The following TBX18 variants were observed in gnomAD, a reference collection of about 807,000 sequenced individuals.
The protein encoded by TBX18 is T-box transcription factor 18, also known as T-box transcription factor TBX18.
A neutral mutation model predicts 55.0 loss-of-function variants in TBX18; 21 were observed. That is an observed-to-expected ratio of 0.38 (90% CI 0.27 to 0.55). The LOEUF (loss-of-function observed/expected upper bound fraction) is 0.55, where lower values mean the gene tolerates loss of function less well. TBX18 is among the 20% of genes least tolerant of loss of function. The pLI, the probability that TBX18 is intolerant of heterozygous loss-of-function variation, is 0.73. For synonymous variants in TBX18, 342 were observed against 326.1 expected (o/e 1.05, Z -0.53); for missense variants, 840 against 799.6 (o/e 1.05, Z -0.61).
rs769323065 is a variant in TBX18 at position 84,764,000 on chromosome 6, G to C, written c.182C>G (p.Ala61Gly). Residue 61 changes from alanine to glycine, a missense_variant, in exon 1 of 8, where the codon GCG becomes GGG. Transcript: ENST00000369663. ...TCCCTCAGAAGAACCCTTTTCGCCC[G>C]CGCCGCCGCCGCGGCTGCAGCCTCC... ...DDGGCSRGGG[A>G]GEKGSSEGDE... 1.9e-6 allele frequency: 3 copies of C among 1,563,328 alleles called. No homozygotes were observed. In the East Asian group the frequency reaches 7.1e-5, roughly 37 times the overall value.
intron 1 of TBX18, 23 bp from the exon 2 acceptor site, chr6:84,762,771 A>G: frequency 6.4e-7 from 1 of 1,573,624 alleles, no homozygotes. Flanking sequence ...GGACAGAGAA[A>G]GGGAACTGGT....
chr6:84,763,485 G>A (rs1320431772), intron 1 of TBX18: 1 of 475,670 alleles, frequency 2.1e-6, no homozygotes, highest in African/African-American at 2.0e-5. Context: ...AACGGTTTAG[G>A]GCATTCGTTC....
At chr6:84,750,796 A>T (rs1299497872) in intron 4 of TBX18, among the ~76,000 whole-genome samples, 4 of 151,494 alleles carry the variant, frequency 2.6e-5, no homozygotes, top group Non-Finnish European at 5.9e-5. Flanking sequence ...CTGGTGTCTC[A>T]TTAGTTAACA....
intron 4 of TBX18, among the ~76,000 whole-genome samples, chr6:84,754,065 G>A (rs901829465): frequency 3.9e-5 from 6 of 152,036 alleles, no homozygotes; most frequent in Non-Finnish European, 8.8e-5. Context: ...GTAGCTGGAA[G>A]TACAGGCAAA....
chr6:84,738,388 G>A, intron 7 of TBX18, 109 bp downstream of exon 7: 4 of 881,826 alleles, frequency 4.5e-6, no homozygotes, highest in South Asian at 1.4e-5. Flanking sequence ...GACAATGCTG[G>A]TGATGAGGTC....
chr6:84,757,014 G>T (rs911107473), intron 3 of TBX18, 145 bp from the exon 4 acceptor site: 21 of 874,440 alleles, frequency 2.4e-5, no homozygotes, highest in Non-Finnish European at 3.4e-5. Context: ...AATTTCAAGC[G>T]CTTTTCCAAA....
chr6:84,742,350 T>G (rs891872208), intron 6 of TBX18: 1 of 152,146 alleles, frequency 6.6e-6, no homozygotes, highest in South Asian at 2.1e-4. Context: ...AAAATCCATA[T>G]CAAAGCTAGC....
intron 3 of TBX18, among the ~76,000 whole-genome samples, chr6:84,757,565 T>C (rs1188319945): frequency 6.6e-6 from 1 of 152,134 alleles, no homozygotes; most frequent in African/African-American, 2.4e-5. Context: ...TTCTTTCAAA[T>C]CATTTTTCAA....
intron 1 of TBX18, 135 bp from the exon 2 acceptor site, chr6:84,762,883 C>A: frequency 5.0e-6 from 4 of 807,526 alleles, no homozygotes; most frequent in Non-Finnish European, 6.0e-6. Flanking sequence ...GCCATCAGGT[C>A]CTCCTAAAGA....
At chr6:84,752,189 A>G (rs1437978054) in intron 4 of TBX18, among the ~76,000 whole-genome samples, 2 of 151,314 alleles carry the variant, frequency 1.3e-5, no homozygotes, top group East Asian at 3.9e-4. Context: ...TTTGAGTCAA[A>G]AAAAAAAAGC....
chr6:84,764,276 C>T lies in TBX18; in HGVS notation c.-95G>A. On this transcript the variant is annotated 5_prime_UTR_variant, in exon 1 of 8. Transcript: ENST00000369663. ...TTCCCCCACCAAAAACTAAAAGGCT[C>T]TCGGGGCCTCCCGAGATCTGCCCCC... 3.0e-6 allele frequency: 4 copies of T among 1,353,398 alleles called. No homozygotes were observed. The highest frequency in any genetic ancestry group is 3.1e-5 in the East Asian group (1 of 32,436). The allele number at this position is 1,353,398 out of a possible 1,614,324, so 83.8% of individuals were successfully genotyped here.
chr6:84,760,100 T>C (rs967906192), intron 3 of TBX18, among the ~76,000 whole-genome samples, 155 bp downstream of exon 3: 2 of 152,190 alleles, frequency 1.3e-5, no homozygotes, highest in Admixed American at 6.5e-5. Flanking sequence ...AAAGGCACCA[T>C]CTGGGCCGCT....
At position 84,764,270 on chromosome 6, in the gene TBX18, A is replaced by G; in HGVS notation, c.-89T>C. ...TCGCTCTTCCCCCACCAAAAACTAAAAGGCTCTCGGGGCCTCCCGAGATCT... is the reference window on the plus strand; with the variant it reads ...TCGCTCTTCCCCCACCAAAAACTAAGAGGCTCTCGGGGCCTCCCGAGATCT... On this transcript the variant is annotated 5_prime_UTR_variant, in exon 1 of 8. Transcript: ENST00000369663. 1 of 1,345,410 alleles carries G rather than the reference A, an allele frequency of 7.4e-7. No individual in the cohort carries two copies. The highest frequency in any genetic ancestry group is 9.5e-7 in the Non-Finnish European group (1 of 1,051,424). The allele number at this position is 1,345,410 out of a possible 1,614,324, so 83.3% of individuals were successfully genotyped here. A position where few individuals can be genotyped will look rare whatever the true frequency, so the allele number is the denominator to read the frequency against.
At chr6:84,751,464 T>C (rs1310907970) in intron 4 of TBX18, among the ~76,000 whole-genome samples, 1 of 152,196 alleles carries the variant, frequency 6.6e-6, no homozygotes, top group African/African-American at 2.4e-5. Context: ...AAAAATAATA[T>C]GTATTCAGTA....
At chr6:84,752,556 A>G (rs2127877807) in intron 4 of TBX18, among the ~76,000 whole-genome samples, 1 of 152,316 alleles carries the variant, frequency 6.6e-6, no homozygotes, top group African/African-American at 2.4e-5. Context: ...TTTCGAGTTC[A>G]TCAGCTCATT....
chr6:84,764,470 C>A lies in TBX18; in HGVS notation c.-289G>T. ...CCCCTTCCACCTCCTCCTGCTGCTC[C>A]GAGGTCTGCCTCAACTGATGCGCCA... On this transcript the variant is annotated 5_prime_UTR_variant, in exon 1 of 8. An upstream open reading frame in the 5' UTR gains an earlier in-frame stop. Transcript: ENST00000369663. 2.5e-6 allele frequency: 1 copy of A among 396,146 alleles called. No individual in the cohort carries two copies. Among genetic ancestry groups the A allele is most frequent in the Non-Finnish European group, 4.5e-6 (1 of 224,512 alleles). The allele number at this position is 396,146 out of a possible 1,614,324, so 24.5% of individuals were successfully genotyped here. A position where few individuals can be genotyped will look rare whatever the true frequency, so the allele number is the denominator to read the frequency against.
At chr6:84,756,928 G>T in intron 3 of TBX18, 59 bp from the exon 4 acceptor site, 1 of 1,492,670 alleles carries the variant, frequency 6.7e-7, no homozygotes, top group Non-Finnish European at 9.2e-7. Flanking sequence ...GTCCAACTCA[G>T]TAGAATCAGA....
At chr6:84,738,986 G>T (rs1477999867) in intron 6 of TBX18, among the ~76,000 whole-genome samples, 2 of 152,146 alleles carry the variant, frequency 1.3e-5, no homozygotes, top group Non-Finnish European at 1.5e-5. Flanking sequence ...AGTGAGGAAG[G>T]CATTGCCACA....
In TBX18 at chr6:84,736,207, T is replaced by C. The variant is rs1330864368; in HGVS notation, c.*478A>G. On this transcript the variant is annotated 3_prime_UTR_variant, in exon 8 of 8. Coordinates refer to ENST00000369663, the MANE Select transcript of TBX18 (RefSeq NM_001080508.3). ...ACTAAGACTTCAACTGGCTTTTGTA[T>C]TTTAGATTCTCACACTGTGTCCAAG... 6.5e-6 allele frequency: 1 copy of C among 152,722 alleles called. No homozygotes were observed. Among genetic ancestry groups the C allele is most frequent in the Non-Finnish European group, 1.5e-5 (1 of 68,078 alleles). The allele number at this position is 152,722 out of a possible 1,614,324, so 9.5% of individuals were successfully genotyped here.
Sources: gnomAD v4.1 joint callset for allele counts (sites outside exome capture counted in the v4.1 genomes callset) on GRCh38, gnomAD v4.1.1 for gene constraint, MANE v1.5 for transcripts, NCBI Gene and HGNC (gene_info 2026-07-23, HGNC 2026-07-21) for gene names.